MAP7: variants seen among roughly 807,000 people sequenced by gnomAD.
The protein encoded by MAP7 is ensconsin.
MAP7 carries 52 observed loss-of-function variants against 94.8 expected under a neutral mutation model. That is an observed-to-expected ratio of 0.55 (90% confidence interval 0.44 to 0.69). The LOEUF is 0.69. Ranked by LOEUF, MAP7 falls within the 30% of genes least tolerant of loss-of-function variation. The pLI, the probability that MAP7 is intolerant of heterozygous loss-of-function variation, is 0.00. For synonymous variants in MAP7, 350 were observed against 357.0 expected (o/e 0.98, Z 0.22); for missense variants, 940 against 964.6 (o/e 0.97, Z 0.34).
Position 136,420,297 on chromosome 6 carries a change from T to G in MAP7, c.166+1404A>C, listed in dbSNP as rs1030496466. The G allele has an allele frequency of 3.8e-6, 3 of 799,064 alleles. No homozygotes were observed. The African/African-American group carries it at 5.0e-5, about 13-fold the overall frequency. The allele number at this position is 799,064 out of a possible 1,614,324, so 49.5% of individuals were successfully genotyped here. Reference sequence around the variant, plus strand: ...GCCGGCCATGCTTCCAGAGGGACCTTGGTGCTGCCTGACGTGACCAACACC... The same window carrying G: ...GCCGGCCATGCTTCCAGAGGGACCTGGGTGCTGCCTGACGTGACCAACACC... On this transcript the variant is annotated intron_variant, in intron 2 of 17. Coordinates refer to ENST00000354570, the MANE Select transcript of MAP7 (RefSeq NM_003980.6).
At chr6:136,398,668 A>T (rs1360708422) in intron 3 of MAP7, among the ~76,000 whole-genome samples, 2 of 152,138 alleles carry the variant, frequency 1.3e-5, no homozygotes, top group African/African-American at 4.8e-5. Context: ...TGCCACCACC[A>T]TGTAGGAATT....
Position 136,362,645 on chromosome 6 carries a change from G to A in MAP7, c.1331C>T (p.Ala444Val), listed in dbSNP as rs1243249442. ...ASAPAPASAP[A>V]PAPVPTPAMV... ...GGCTGGGGTGGGGACCGGGGCTGGA[G>A]CTGGGGCCGAGGCTGGAGCTGGGGC... is the stretch of plus-strand genomic sequence containing the variant. The change falls in exon 11 of 18, where the codon GCT becomes GTT. Residue 444 changes from alanine (A) to valine (V), a missense_variant. By Grantham distance (64) the Ala-to-Val change is moderately conservative (BLOSUM62 0). Transcript: ENST00000354570. 6.2e-7 allele frequency: 1 copy of A among 1,608,284 alleles called. No individual in the cohort carries two copies. Among genetic ancestry groups the A allele is most frequent in the Non-Finnish European group, 8.5e-7 (1 of 1,177,572 alleles).
At chr6:136,413,985 C>T (rs1788370927) in intron 2 of MAP7, among the ~76,000 whole-genome samples, 1 of 151,988 alleles carries the variant, frequency 6.6e-6, no homozygotes, top group Admixed American at 6.6e-5. Flanking sequence ...CGCGGTGGCT[C>T]ACGCCTGTAA....
chr6:136,370,004 G>A (rs1482600002), intron 8 of MAP7, among the ~76,000 whole-genome samples: 1 of 152,160 alleles, frequency 6.6e-6, no homozygotes, highest in Non-Finnish European at 1.5e-5. Flanking sequence ...CTATGGAATA[G>A]AAGAAAGTAT....
intron 7 of MAP7, among the ~76,000 whole-genome samples, chr6:136,377,288 C>T (rs1776452070): frequency 6.6e-6 from 1 of 152,192 alleles, no homozygotes; most frequent in Admixed American, 6.5e-5. Flanking sequence ...TCCTAGATTA[C>T]ATATAAAAGA....
At chr6:136,474,523 T>C (rs929239009) in intron 1 of MAP7, among the ~76,000 whole-genome samples, 14 of 152,180 alleles carry the variant, frequency 9.2e-5, no homozygotes, top group Non-Finnish European at 1.8e-4. Flanking sequence ...CACCTGGCAG[T>C]TGGCTGAGTA....
At chr6:136,511,664 C>T (rs185722674) in intron 1 of MAP7, among the ~76,000 whole-genome samples, 11 of 152,298 alleles carry the variant, frequency 7.2e-5, no homozygotes, top group Admixed American at 7.2e-4. Flanking sequence ...CACGATATTT[C>T]CTAATCCACA....
chr6:136,398,326 T>C (rs1025117438), intron 3 of MAP7, among the ~76,000 whole-genome samples: 2 of 152,260 alleles, frequency 1.3e-5, no homozygotes, highest in South Asian at 2.1e-4. Flanking sequence ...CAGGGCTGCT[T>C]TGTGGCTCAC....
chr6:136,388,552 T>C (rs747840548), intron 4 of MAP7, 42 bp from the exon 5 acceptor site: 7 of 1,513,956 alleles, frequency 4.6e-6, no homozygotes, highest in Non-Finnish European at 5.5e-6. Context: ...TTCCAGCTGG[T>C]TGTTTGAAGC....
chr6:136,549,487 GTTGGGAAGCCTTGCTGCTGGTC>G (rs1367348287), intron 1 of MAP7, among the ~76,000 whole-genome samples: 13 of 152,212 alleles, frequency 8.5e-5, no homozygotes, highest in Non-Finnish European at 1.3e-4. Context: ...GATGGGCGGG[GTTGGGAAGCCTTGCTGCTGGTC>G]TTGGGAAGCC....
intron 1 of MAP7, among the ~76,000 whole-genome samples, chr6:136,513,448 C>A (rs563633179): frequency 6.6e-6 from 1 of 152,362 alleles, no homozygotes; most frequent in African/African-American, 2.4e-5. Context: ...CAAGTTTTAT[C>A]ATGGAATCGC....
chr6:136,443,249 G>A (rs901056968), intron 1 of MAP7, among the ~76,000 whole-genome samples: 5 of 152,098 alleles, frequency 3.3e-5, no homozygotes, highest in East Asian at 1.9e-4. Context: ...TAGGTTTGTC[G>A]TAATTAAAGG....
At chr6:136,523,548 A>G (rs997481026) in intron 1 of MAP7, among the ~76,000 whole-genome samples, 5 of 152,252 alleles carry the variant, frequency 3.3e-5, no homozygotes, top group African/African-American at 7.2e-5. Context: ...GATGGACCCA[A>G]TGAAAAATTC....
chr6:136,430,484 T>A (rs1312507127), intron 1 of MAP7, among the ~76,000 whole-genome samples: 1 of 152,230 alleles, frequency 6.6e-6, no homozygotes, highest in Admixed American at 6.5e-5. Flanking sequence ...CCTATGAGTA[T>A]TAGTTAACTG....
chr6:136,479,214 A>G (rs1240826944), intron 1 of MAP7, among the ~76,000 whole-genome samples: 2 of 152,166 alleles, frequency 1.3e-5, no homozygotes, highest in Admixed American at 6.5e-5. Context: ...ATGGTTCAAC[A>G]TCGCAAACTC....
At chr6:136,488,431 G>A (rs1815451514) in intron 1 of MAP7, among the ~76,000 whole-genome samples, 1 of 149,552 alleles carries the variant, frequency 6.7e-6, no homozygotes. Flanking sequence ...CTTGCTATGT[G>A]CCATGCTAGG....
intron 1 of MAP7, among the ~76,000 whole-genome samples, chr6:136,538,660 G>A (rs1043394581): frequency 1.4e-4 from 21 of 151,922 alleles, no homozygotes; most frequent in African/African-American, 3.1e-4. Context: ...GAATAGTGGC[G>A]TGTACCTGTA....
intron 3 of MAP7, among the ~76,000 whole-genome samples, chr6:136,408,440 G>A (rs1329545555): frequency 6.6e-6 from 1 of 152,100 alleles, no homozygotes; most frequent in Non-Finnish European, 1.5e-5. Flanking sequence ...TTGCAAAATA[G>A]TACAAATATG....
In MAP7 at chr6:136,356,752, C is replaced by G. The variant is rs1320285707; in HGVS notation, c.1955G>C (p.Gly652Ala). 2.5e-6 allele frequency: 4 copies of G among 1,614,154 alleles called. No homozygotes were observed. Among genetic ancestry groups the G allele is most frequent in the Non-Finnish European group, 2.5e-6 (3 of 1,180,030 alleles). ...CACATGTGGGCTGCCAACTGGCTTT[C>G]CATTTCCCGGAGCGTTTGTTGTACA... is the stretch of plus-strand genomic sequence containing the variant. ...LPCTTNAPGN[G>A]KPVGSPHVVT... The change falls in exon 16 of 18, where the codon GGA (glycine) becomes GCA (alanine). Residue 652 changes from glycine to alanine, a missense_variant. Coordinates refer to ENST00000354570, the MANE Select transcript of MAP7 (RefSeq NM_003980.6).
Sources: allele counts gnomAD v4.1 joint callset (sites outside exome capture counted in the v4.1 genomes callset), GRCh38; gene constraint gnomAD v4.1.1; transcripts MANE v1.5; gene names NCBI Gene and HGNC (gene_info 2026-07-23, HGNC 2026-07-21).